Variants in NUP54 observed in about 807,000 individuals in gnomAD.
NUP54 encodes nucleoporin 54.
NUP54 carries 27 observed loss-of-function variants against 66.4 expected under a neutral mutation model. The observed-to-expected ratio is 0.41, with a 90% CI of 0.30 to 0.56. The LOEUF (loss-of-function observed/expected upper bound fraction) is 0.56, where lower values mean the gene tolerates loss of function less well. Ranked by LOEUF, NUP54 falls within the 20% of genes least tolerant of loss-of-function variation. The probability of loss-of-function intolerance (pLI) is 0.34; values close to 1 mark genes in which losing one functional copy is unlikely to be tolerated. For synonymous variants in NUP54, 206 were observed against 210.7 expected (o/e 0.98, Z 0.19); for missense variants, 486 against 596.3 (o/e 0.82, Z 1.93).
At chr4:76,138,644 T>C (rs1731136361) in intron 3 of NUP54, among the ~76,000 whole-genome samples, 1 of 152,120 alleles carries the variant, frequency 6.6e-6, no homozygotes, top group Non-Finnish European at 1.5e-5. Context: ...GAGTACTAAA[T>C]AAGGGAGCTG....
intron 8 of NUP54, among the ~76,000 whole-genome samples, chr4:76,127,065 C>CAT (rs1730569919): frequency 6.6e-6 from 1 of 152,098 alleles, no homozygotes; most frequent in East Asian, 1.9e-4. Context: ...AAATAGATCA[C>CAT]ATATATATAT....
chr4:76,147,903 A>G (rs1047027899), intron 1 of NUP54: 2 of 286,770 alleles, frequency 7.0e-6, no homozygotes, highest in Non-Finnish European at 6.8e-6. Context: ...GTGGATCCCC[A>G]GCCCTATCCT....
At chr4:76,143,942 A>C (rs184345978) in intron 3 of NUP54, among the ~76,000 whole-genome samples, 1 of 152,212 alleles carries the variant, frequency 6.6e-6, no homozygotes, top group African/African-American at 2.4e-5. Flanking sequence ...GAATGATCCT[A>C]AACACAGGGA....
chr4:76,131,132 TTG>T (rs1730783831), intron 7 of NUP54, 96 bp downstream of exon 7: 1 of 782,792 alleles, frequency 1.3e-6, no homozygotes, highest in Non-Finnish European at 2.2e-6. Flanking sequence ...GAAAATAAAC[TTG>T]TCTCATATGT....
intron 4 of NUP54, among the ~76,000 whole-genome samples, chr4:76,135,714 A>C (rs1042583389): frequency 2.6e-5 from 4 of 152,254 alleles, no homozygotes; most frequent in Admixed American, 6.5e-5. Context: ...TGGCTGATAA[A>C]GAGATTTTCT....
chr4:76,125,347 C>CGCGT (rs1367046897), intron 8 of NUP54, among the ~76,000 whole-genome samples: 2 of 148,792 alleles, frequency 1.3e-5, no homozygotes, highest in African/African-American at 4.9e-5. Context: ...CACACACACA[C>CGCGT]ACACGGCTGG....
intron 3 of NUP54, among the ~76,000 whole-genome samples, chr4:76,141,301 G>C (rs769089303): frequency 5.9e-5 from 9 of 152,108 alleles, no homozygotes; most frequent in Non-Finnish European, 1.0e-4. Flanking sequence ...TTTTGTTCTA[G>C]TACTCTCCTC....
At chr4:76,147,614 A>G (rs1451921027) in intron 1 of NUP54, 1 of 1,289,780 alleles carries the variant, frequency 7.8e-7, no homozygotes, top group Admixed American at 2.3e-5. Flanking sequence ...CTGGCGGTGG[A>G]GTTGGCAGTC....
intron 9 of NUP54, among the ~76,000 whole-genome samples, chr4:76,118,982 G>C (rs1369951784): frequency 6.6e-6 from 1 of 151,960 alleles, no homozygotes; most frequent in African/African-American, 2.4e-5. Context: ...CTCCAGCCTG[G>C]GCAACAGAGC....
intron 9 of NUP54, among the ~76,000 whole-genome samples, chr4:76,121,294 G>A (rs981151666): frequency 1.3e-5 from 2 of 152,062 alleles, no homozygotes; most frequent in African/African-American, 4.8e-5. Flanking sequence ...TCCATGCATT[G>A]TTCTGTCCAA....
chr4:76,129,888 ACCTTAGCAAAG>A (rs1560682889), intron 8 of NUP54, among the ~76,000 whole-genome samples: 1 of 102,204 alleles, frequency 9.8e-6, no homozygotes, highest in African/African-American at 3.4e-5. Context: ...AAAAAAAAAA[ACCTTAGCAAAG>A]TTAAAAGAAT....
rs1160554758 is a variant in NUP54 at position 76,117,701 on chromosome 4, T to G, written c.1358A>C (p.Tyr453Ser). The G allele has an allele frequency of 6.2e-7, 1 of 1,613,626 alleles. No individual in the cohort carries two copies. The highest frequency in any genetic ancestry group is 1.7e-5 in the Admixed American group (1 of 60,018). ...TCGTAACAGATCTGCATCTATGTAA[T>G]ACCTTTCTTCAGATCTGACTGCTCC... ...HFGAVRSEER[Y>S]YIDADLLREI... Residue 453 changes from tyrosine (Y) to serine (S), a missense_variant, in exon 11 of 12, where the codon TAT becomes TCT. By Grantham distance (144) the Tyr-to-Ser change is moderately radical (BLOSUM62 -2). Transcript: ENST00000264883.
chr4:76,148,281 G>T (rs1467919153), intron 1 of NUP54, 27 bp downstream of exon 1: 42 of 1,353,900 alleles, frequency 3.1e-5, no homozygotes, highest in Non-Finnish European at 4.0e-5. Context: ...CCTTCTTCCC[G>T]GGTGAAGGTC....
At chr4:76,125,339 CA>C (rs1730430906) in intron 8 of NUP54, among the ~76,000 whole-genome samples, 1 of 127,038 alleles carries the variant, frequency 7.9e-6, no homozygotes, top group African/African-American at 2.6e-5. Context: ...CACACACACA[CA>C]CACACACACA....
At chr4:76,126,179 T>G (rs963115937) in intron 8 of NUP54, among the ~76,000 whole-genome samples, 1 of 152,220 alleles carries the variant, frequency 6.6e-6, no homozygotes, top group Non-Finnish European at 1.5e-5. Flanking sequence ...TTTATGCCTC[T>G]GGATCTTTGA....
intron 6 of NUP54, 157 bp downstream of exon 6, chr4:76,132,366 A>G (rs1301637830): frequency 6.3e-6 from 3 of 477,800 alleles, no homozygotes; most frequent in African/African-American, 2.0e-5. Flanking sequence ...AACTAAATGA[A>G]TACAAATATT....
intron 8 of NUP54, among the ~76,000 whole-genome samples, chr4:76,125,882 G>GAGAC (rs1283174084): frequency 2.0e-5 from 3 of 149,816 alleles, no homozygotes; most frequent in African/African-American, 7.4e-5. Context: ...GAGAGACAGA[G>GAGAC]AGAGAGGGAG....
chr4:76,132,665 T>A lies in NUP54; in HGVS notation c.765A>T (p.Arg255Ser), dbSNP rs1408871951. The stretch of plus-strand genomic sequence containing the variant: ...GGGCATATAGCGTTGTAGCTGGAAC[T>A]CTTCTTGAAGTACCATTTGGCGAAC... ...VERSPNGTSRRVPATTLYAHF... is the reference protein window; with the variant it reads ...VERSPNGTSRSVPATTLYAHF... The change falls in exon 6 of 12, where the codon AGA becomes AGT. Residue 255 changes from arginine (R) to serine (S), a missense_variant. This residue lies in a region of NUP54 where 217 missense variants were observed against 247.9 expected (regional missense o/e 0.88). Coordinates refer to ENST00000264883, the MANE Select transcript of NUP54 (RefSeq NM_017426.4). 2 of 1,613,896 alleles carry A rather than the reference T, an allele frequency of 1.2e-6. No individual in the cohort carries two copies. The highest frequency in any genetic ancestry group is 1.7e-6 in the Non-Finnish European group (2 of 1,179,982).
intron 8 of NUP54, among the ~76,000 whole-genome samples, chr4:76,126,704 G>A (rs1730552796): frequency 6.6e-6 from 1 of 152,082 alleles, no homozygotes; most frequent in Non-Finnish European, 1.5e-5. Context: ...GATTTTAAAA[G>A]GGAATATTTT....
Sources: allele counts gnomAD v4.1 joint callset (sites outside exome capture counted in the v4.1 genomes callset), GRCh38; gene constraint gnomAD v4.1.1; regional missense constraint gnomAD v4.1.1; transcripts MANE v1.5; gene names NCBI Gene and HGNC (gene_info 2026-07-23, HGNC 2026-07-21).